Variants in KCTD16 observed in about 807,000 individuals in gnomAD.
KCTD16 encodes BTB/POZ domain-containing protein KCTD16.
KCTD16 carries 13 observed loss-of-function variants against 33.2 expected under a neutral mutation model. The ratio of observed to expected loss-of-function variants is 0.39; its 90% CI spans 0.25 to 0.62. The LOEUF (loss-of-function observed/expected upper bound fraction) is 0.62, where lower values mean the gene tolerates loss of function less well. Among genes scored for constraint, KCTD16 ranks in the 20% least tolerant of loss-of-function variants. KCTD16 has a pLI of 0.50. For synonymous variants in KCTD16, 197 were observed against 195.3 expected, an observed-to-expected ratio of 1.01 and a Z score of -0.07; for missense variants, 441 against 525.1, an observed-to-expected ratio of 0.84 and a Z score of 1.57.
intron 3 of KCTD16, among the ~76,000 whole-genome samples, chr5:144,411,540 G>A (rs1172530833): frequency 6.6e-6 from 1 of 152,084 alleles, no homozygotes; most frequent in African/African-American, 2.4e-5. Flanking sequence ...TAACTCAAAT[G>A]AATTAAAGAC....
At position 144,476,424 on chromosome 5, in the gene KCTD16, T is replaced by A. The variant is rs1754595280; in HGVS notation, c.*2310T>A. On this transcript the variant is annotated 3_prime_UTR_variant, in exon 4 of 4. Coordinates refer to ENST00000512467, the MANE Select transcript of KCTD16 (RefSeq NM_020768.4). ...ATTCTTTAAACAGGAAATTAAACAC[T>A]GCAAAAGGAGTGTTCGTGGCAGTGT... 6.6e-6 allele frequency: 1 copy of A among 152,174 alleles called. No individual in the cohort carries two copies. The highest frequency in any genetic ancestry group is 6.5e-5 in the Admixed American group (1 of 15,272). The allele number at this position is 152,174 out of a possible 1,614,324, so 9.4% of individuals were successfully genotyped here. A position where few individuals can be genotyped will look rare whatever the true frequency, so the allele number is the denominator to read the frequency against.
intron 3 of KCTD16, among the ~76,000 whole-genome samples, chr5:144,233,828 A>G (rs1458314577): frequency 2.0e-5 from 3 of 152,134 alleles, no homozygotes; most frequent in Non-Finnish European, 4.4e-5. Context: ...GTTGCAATAA[A>G]TCTGCTTCTG....
intron 3 of KCTD16, among the ~76,000 whole-genome samples, chr5:144,286,165 G>C (rs565200906): frequency 4.0e-4 from 61 of 151,880 alleles, no homozygotes; most frequent in African/African-American, 1.4e-3. Flanking sequence ...TATGTCCCCT[G>C]CTACTTTATT....
At position 144,206,692 on chromosome 5, in the gene KCTD16, A is replaced by T. The variant is rs373317334; in HGVS notation, c.-23A>T. ...TTGGATTGCACCTTTAAATCAAAAT[A>T]GCAGCAGCAGAAGAAAGGGACAATG... On this transcript the variant is annotated 5_prime_UTR_variant, in exon 3 of 4. Transcript: ENST00000512467. The T allele has an allele frequency of 6.3e-5, 99 of 1,579,432 alleles. No individual in the cohort carries two copies. Among genetic ancestry groups the T allele is most frequent in the Non-Finnish European group, 8.0e-5 (93 of 1,156,422 alleles).
At chr5:144,219,914 T>C (rs1412463255) in intron 3 of KCTD16, among the ~76,000 whole-genome samples, 1 of 152,194 alleles carries the variant, frequency 6.6e-6, no homozygotes, top group Non-Finnish European at 1.5e-5. Flanking sequence ...TGCTGCCTGC[T>C]GCCGAAACAG....
At chr5:144,274,719 T>C (rs940753782) in intron 3 of KCTD16, among the ~76,000 whole-genome samples, 5 of 152,184 alleles carry the variant, frequency 3.3e-5, no homozygotes, top group Non-Finnish European at 7.3e-5. Flanking sequence ...CCTTTCTATT[T>C]CCTCCTTGAG....
intron 3 of KCTD16, among the ~76,000 whole-genome samples, chr5:144,336,068 C>T (rs1752483858): frequency 6.6e-6 from 1 of 152,174 alleles, no homozygotes; most frequent in Non-Finnish European, 1.5e-5. Flanking sequence ...GCTGAAAAGG[C>T]CTTCCTGTGA....
intron 3 of KCTD16, among the ~76,000 whole-genome samples, chr5:144,301,537 C>G (rs766711600): frequency 6.6e-6 from 1 of 152,150 alleles, no homozygotes; most frequent in Non-Finnish European, 1.5e-5. Flanking sequence ...TTCTTTGTTT[C>G]TAGCGAAATT....
At chr5:144,427,096 G>A (rs1753349070) in intron 3 of KCTD16, among the ~76,000 whole-genome samples, 1 of 152,128 alleles carries the variant, frequency 6.6e-6, no homozygotes, top group African/African-American at 2.4e-5. Flanking sequence ...CACAATGGGA[G>A]AATGTAGCTG....
intron 3 of KCTD16, among the ~76,000 whole-genome samples, chr5:144,214,226 G>A (rs972879388): frequency 6.6e-6 from 1 of 151,900 alleles, no homozygotes; most frequent in East Asian, 1.9e-4. Flanking sequence ...TCTCCCTCAG[G>A]TCCGTCCTCT....
intron 3 of KCTD16, among the ~76,000 whole-genome samples, chr5:144,279,179 G>A (rs1451500871): frequency 6.6e-6 from 1 of 152,168 alleles, no homozygotes; most frequent in Non-Finnish European, 1.5e-5. Flanking sequence ...AGCTTTTCTT[G>A]TAGTTTAAGA....
chr5:144,219,676 G>A (rs1217037313), intron 3 of KCTD16, among the ~76,000 whole-genome samples: 22 of 151,766 alleles, frequency 1.4e-4, no homozygotes, highest in Admixed American at 1.3e-3. Flanking sequence ...ATCCAACACT[G>A]CGCCTGGCTA....
At chr5:144,338,846 A>G (rs567009397) in intron 3 of KCTD16, among the ~76,000 whole-genome samples, 2 of 152,194 alleles carry the variant, frequency 1.3e-5, no homozygotes, top group African/African-American at 4.8e-5. Context: ...GATTCATTGC[A>G]GTTATTCAGA....
intron 3 of KCTD16, among the ~76,000 whole-genome samples, chr5:144,383,373 T>G (rs1288147232): frequency 6.6e-6 from 1 of 152,174 alleles, no homozygotes; most frequent in Non-Finnish European, 1.5e-5. Flanking sequence ...TGGCTCAGCT[T>G]TTTTGATTTG....
intron 3 of KCTD16, among the ~76,000 whole-genome samples, chr5:144,322,886 T>C (rs895584879): frequency 1.3e-5 from 2 of 152,118 alleles, no homozygotes; most frequent in African/African-American, 4.8e-5. Context: ...GAATGCATAT[T>C]CCAAATTAGA....
At chr5:144,223,409 A>T (rs1283154950) in intron 3 of KCTD16, among the ~76,000 whole-genome samples, 1 of 152,208 alleles carries the variant, frequency 6.6e-6, no homozygotes, top group Non-Finnish European at 1.5e-5. Context: ...GCTAGTAAAG[A>T]AATAAAGAAG....
intron 3 of KCTD16, among the ~76,000 whole-genome samples, chr5:144,209,127 G>A (rs1354524923): frequency 5.3e-5 from 8 of 152,100 alleles, no homozygotes. Context: ...CATGTTCTCC[G>A]ATTTTGAATA....
At chr5:144,470,414 C>T (rs1754442774) in intron 3 of KCTD16, among the ~76,000 whole-genome samples, 1 of 152,184 alleles carries the variant, frequency 6.6e-6, no homozygotes, top group Non-Finnish European at 1.5e-5. Context: ...ATTTTTCAAA[C>T]TTCACAACAA....
At chr5:144,252,601 A>C (rs947710627) in intron 3 of KCTD16, among the ~76,000 whole-genome samples, 1 of 151,676 alleles carries the variant, frequency 6.6e-6, no homozygotes, top group Admixed American at 6.6e-5. Flanking sequence ...GCAGTCTCAC[A>C]GGTGAATTTT....
Sources: gnomAD v4.1 joint callset for allele counts (sites outside exome capture counted in the v4.1 genomes callset) on GRCh38, gnomAD v4.1.1 for gene constraint, MANE v1.5 for transcripts, NCBI Gene and HGNC (gene_info 2026-07-23, HGNC 2026-07-21) for gene names.